Variants in SCRG1 observed in about 807,000 individuals in gnomAD.
The protein encoded by SCRG1 is stimulator of chondrogenesis 1.
Under a neutral mutation model 7.7 loss-of-function variants are expected in SCRG1, and 3 were observed. The ratio of observed to expected loss-of-function variants is 0.39; its 90% CI spans 0.18 to 1.01. The LOEUF (loss-of-function observed/expected upper bound fraction) is 1.01. Ranked by LOEUF, SCRG1 falls within the 50% of genes least tolerant of loss-of-function variation. The probability of loss-of-function intolerance (pLI) is 0.36; values close to 1 mark genes in which losing one functional copy is unlikely to be tolerated. For missense variants in SCRG1, 110 were observed against 117.2 expected, an observed-to-expected ratio of 0.94 and a Z score of 0.28; for synonymous variants, 46 against 41.2, an observed-to-expected ratio of 1.12 and a Z score of -0.44.
At chr4:173,436,670 A>T in the SCRG1 span, among the ~76,000 whole-genome samples, 1 of 152,132 alleles carries the variant, frequency 6.6e-6, no homozygotes, top group Non-Finnish European at 1.5e-5. Context: ...CTATTTGTGT[A>T]TGTGGGATGG....
At chr4:173,484,476 A>ATATATATTATATACATATATAT in the SCRG1 span, among the ~76,000 whole-genome samples, 1 of 19,372 alleles carries the variant, frequency 5.2e-5, no homozygotes, top group South Asian at 2.5e-3. Context: ...ATAATATATA[A>ATATATATTATATACATATATAT]TATATATTAT....
chr4:173,439,998 T>A, the SCRG1 span, among the ~76,000 whole-genome samples: 1 of 152,214 alleles, frequency 6.6e-6, no homozygotes, highest in Non-Finnish European at 1.5e-5. Context: ...TTCAGAGAAG[T>A]CTTTCTGACA....
the SCRG1 span, among the ~76,000 whole-genome samples, chr4:173,516,665 G>GCGT: frequency 6.6e-6 from 1 of 152,182 alleles, no homozygotes; most frequent in Non-Finnish European, 1.5e-5. Flanking sequence ...CCCGTCTACT[G>GCGT]CGTAAGAGAG....
the SCRG1 span, among the ~76,000 whole-genome samples, chr4:173,477,739 CT>C: frequency 7.4e-6 from 1 of 134,424 alleles, no homozygotes; most frequent in Non-Finnish European, 1.7e-5. Flanking sequence ...TCCTTCCTTC[CT>C]TCCTTCCTTC....
At chr4:173,513,662 T>G in the SCRG1 span, among the ~76,000 whole-genome samples, 2 of 152,238 alleles carry the variant, frequency 1.3e-5, no homozygotes, top group Non-Finnish European at 2.9e-5. Context: ...AGGTGGAATC[T>G]CACACCTTGC....
chr4:173,491,332 G>A, the SCRG1 span, among the ~76,000 whole-genome samples: 12 of 149,830 alleles, frequency 8.0e-5, no homozygotes, highest in Admixed American at 8.1e-4. Context: ...TCTCTGTATC[G>A]TTGCTGACAT....
At chr4:173,411,091 A>G (rs1560837983), upstream of SCRG1, among the ~76,000 whole-genome samples, 1 of 152,172 alleles carries the variant, frequency 6.6e-6, no homozygotes, top group Non-Finnish European at 1.5e-5. Flanking sequence ...GCCTTTGAAT[A>G]ATGCCCACCA....
At chr4:173,476,181 T>C in the SCRG1 span, among the ~76,000 whole-genome samples, 2 of 151,228 alleles carry the variant, frequency 1.3e-5, no homozygotes, top group African/African-American at 4.8e-5. Flanking sequence ...TTGCCCTTGG[T>C]ACCAAAATTG....
At chr4:173,434,900 G>C in the SCRG1 span, among the ~76,000 whole-genome samples, 2 of 152,020 alleles carry the variant, frequency 1.3e-5, no homozygotes, top group Non-Finnish European at 2.9e-5. Context: ...TGATCATTAG[G>C]ATCATCTGGG....
At chr4:173,445,399 G>A in the SCRG1 span, among the ~76,000 whole-genome samples, 1 of 151,762 alleles carries the variant, frequency 6.6e-6, no homozygotes, top group Non-Finnish European at 1.5e-5. Context: ...TGGCCCAAAT[G>A]GTGAAACCCC....
chr4:173,482,795 G>A, the SCRG1 span, among the ~76,000 whole-genome samples: 2 of 149,732 alleles, frequency 1.3e-5, no homozygotes, highest in East Asian at 3.9e-4. Context: ...TCCAGCCTGG[G>A]TGACAAAGTG....
the SCRG1 span, among the ~76,000 whole-genome samples, chr4:173,484,985 T>TATAAA: frequency 2.0e-5 from 1 of 51,086 alleles, no homozygotes; most frequent in African/African-American, 8.0e-5. Context: ...ATTATAAATA[T>TATAAA]AATATATAAT....
intron 1 of SCRG1, among the ~76,000 whole-genome samples, chr4:173,398,593 C>T (rs993505397): frequency 6.6e-6 from 1 of 152,174 alleles, no homozygotes; most frequent in Non-Finnish European, 1.5e-5. Flanking sequence ...ACATTTGTAC[C>T]AGGTTCTTTT....
chr4:173,419,682 C>T, the SCRG1 span: 2 of 807,636 alleles, frequency 2.5e-6, no homozygotes, highest in South Asian at 2.7e-5. Context: ...TCCACAGCTC[C>T]CTTCGGGGCA....
At chr4:173,414,159 A>C in the SCRG1 span, among the ~76,000 whole-genome samples, 2 of 152,164 alleles carry the variant, frequency 1.3e-5, no homozygotes, top group Non-Finnish European at 2.9e-5. Context: ...TGCATGGCTG[A>C]GGGTCAGACC....
chr4:173,498,032 A>G, the SCRG1 span, among the ~76,000 whole-genome samples: 6 of 152,170 alleles, frequency 3.9e-5, no homozygotes, highest in Admixed American at 6.5e-5. Flanking sequence ...CCTTCTCCCA[A>G]TATCCATCAT....
the SCRG1 span, among the ~76,000 whole-genome samples, chr4:173,455,167 G>A: frequency 2.0e-5 from 3 of 151,872 alleles, no homozygotes; most frequent in African/African-American, 7.2e-5. Context: ...GATCACAATC[G>A]AAGGCTTTGG....
chr4:173,388,439 G>A, intron 2 of SCRG1, 44 bp from the exon 3 acceptor site: 1 of 1,349,526 alleles, frequency 7.4e-7, no homozygotes, highest in African/African-American at 1.4e-5. Flanking sequence ...TTAAGGCTAA[G>A]ATATTAGTTA....
chr4:173,493,814 A>T, the SCRG1 span, among the ~76,000 whole-genome samples: 2 of 152,142 alleles, frequency 1.3e-5, no homozygotes, highest in Admixed American at 1.3e-4. Flanking sequence ...TGGTATTTGC[A>T]GCAGCAGCAC....
Sources: gnomAD v4.1 joint callset for allele counts (sites outside exome capture counted in the v4.1 genomes callset) on GRCh38, gnomAD v4.1.1 for gene constraint, MANE v1.5 for transcripts, NCBI Gene and HGNC (gene_info 2026-07-23, HGNC 2026-07-21) for gene names.